Variants in FAF1 observed in about 807,000 individuals in gnomAD.
FAF1 encodes the protein FAS-associated factor 1.
FAF1 carries 25 observed loss-of-function variants against 92.5 expected under a neutral mutation model. That is an observed-to-expected ratio of 0.27 (90% CI 0.20 to 0.38). The LOEUF (loss-of-function observed/expected upper bound fraction) is 0.38. FAF1 is among the 10% of genes least tolerant of loss of function. The pLI, the probability that FAF1 is intolerant of heterozygous loss-of-function variation, is 1.00. For synonymous variants in FAF1, 234 were observed against 273.2 expected (o/e 0.86, Z 1.42); for missense variants, 636 against 793.3 (o/e 0.80, Z 2.38).
intron 1 of FAF1, among the ~76,000 whole-genome samples, chr1:50,885,391 A>G (rs1644652719): frequency 6.6e-6 from 1 of 151,702 alleles, no homozygotes; most frequent in Non-Finnish European, 1.5e-5. Flanking sequence ...ATGCATATAT[A>G]TTCACAATTG....
In FAF1 at chr1:50,823,666, T is replaced by TA. The variant is rs879801268; in HGVS notation, c.115-21990dup. On this transcript the variant is annotated intron_variant, in intron 2 of 18. Coordinates refer to ENST00000396153, the MANE Select transcript of FAF1 (RefSeq NM_007051.3). ...CTACTTACTTTATTTTTGAAAACAA[T>TA]AAAAAAAAAAACTGGAAAAGACATA... Among the ~76,000 whole-genome samples the TA allele has an allele frequency of 4.5e-3, 615 of 137,370 alleles. 2 individuals are homozygous for TA. The highest frequency in any genetic ancestry group is 5.3e-3 in the Non-Finnish European group (330 of 62,364). The allele number at this position is 137,370 out of a possible 152,430, so 90.1% of individuals were successfully genotyped here.
At chr1:50,907,494 T>C (rs1570125732) in intron 1 of FAF1, among the ~76,000 whole-genome samples, 3 of 152,334 alleles carry the variant, frequency 2.0e-5, no homozygotes, top group Middle Eastern at 3.4e-3. Flanking sequence ...AATTCGGTTG[T>C]GAATCCATCT....
At chr1:50,832,516 C>A (rs1377909117) in intron 2 of FAF1, among the ~76,000 whole-genome samples, 2 of 152,182 alleles carry the variant, frequency 1.3e-5, no homozygotes, top group Non-Finnish European at 2.9e-5. Flanking sequence ...CCCTGTTTAA[C>A]ATATATGAGA....
chr1:50,774,872 A>G (rs1660899648), intron 4 of FAF1, among the ~76,000 whole-genome samples: 1 of 152,114 alleles, frequency 6.6e-6, no homozygotes, highest in Non-Finnish European at 1.5e-5. Context: ...CAAGATAAGA[A>G]AACAGAATTC....
intron 8 of FAF1, among the ~76,000 whole-genome samples, chr1:50,640,441 C>T (rs1016649896): frequency 6.6e-6 from 1 of 151,890 alleles, no homozygotes; most frequent in African/African-American, 2.4e-5. Context: ...TACAGGCGCC[C>T]ACCACCATAC....
chr1:50,649,865 T>C (rs1391964926), intron 8 of FAF1, among the ~76,000 whole-genome samples: 2 of 151,082 alleles, frequency 1.3e-5, no homozygotes, highest in Non-Finnish European at 2.9e-5. Context: ...CTCGGGAGGC[T>C]GAGGAGGGAC....
At chr1:50,494,863 C>T (rs1646880573) in intron 15 of FAF1, among the ~76,000 whole-genome samples, 1 of 152,096 alleles carries the variant, frequency 6.6e-6, no homozygotes, top group African/African-American at 2.4e-5. Flanking sequence ...AATTCAGAAG[C>T]CTCTAAGTAT....
At chr1:50,529,592 A>T (rs950014678) in intron 15 of FAF1, among the ~76,000 whole-genome samples, 3 of 152,190 alleles carry the variant, frequency 2.0e-5, no homozygotes, top group Admixed American at 1.3e-4. Context: ...ACTGAGAAAC[A>T]TTGCCCCAGA....
At chr1:50,731,510 C>T (rs1557498585) in intron 6 of FAF1, among the ~76,000 whole-genome samples, 1 of 152,086 alleles carries the variant, frequency 6.6e-6, no homozygotes, top group Non-Finnish European at 1.5e-5. Flanking sequence ...GCTGGGACTA[C>T]AGGCACCTGC....
intron 15 of FAF1, among the ~76,000 whole-genome samples, chr1:50,509,737 C>A (rs1485760651): frequency 6.6e-6 from 1 of 151,940 alleles, no homozygotes; most frequent in Admixed American, 6.6e-5. Context: ...TCTTGGTGGC[C>A]GAACAGTACA....
intron 1 of FAF1, among the ~76,000 whole-genome samples, chr1:50,930,172 T>C (rs905181446): frequency 1.3e-5 from 2 of 152,182 alleles, no homozygotes; most frequent in African/African-American, 4.8e-5. Context: ...AAAATCATAA[T>C]GCCAAAGTGG....
chr1:50,613,389 C>T (rs551073728), intron 8 of FAF1, among the ~76,000 whole-genome samples: 215 of 152,206 alleles, frequency 1.4e-3, no homozygotes, highest in African/African-American at 4.8e-3. Flanking sequence ...TTTGAACTTA[C>T]GCATCTTCAT....
At chr1:50,645,162 G>C (rs909149963) in intron 8 of FAF1, among the ~76,000 whole-genome samples, 3 of 152,186 alleles carry the variant, frequency 2.0e-5, no homozygotes, top group Non-Finnish European at 4.4e-5. Flanking sequence ...ACCATCAGAA[G>C]CAACATTATC....
At chr1:50,778,346 G>C (rs1050987961) in intron 4 of FAF1, among the ~76,000 whole-genome samples, 7 of 152,006 alleles carry the variant, frequency 4.6e-5, no homozygotes, top group Non-Finnish European at 8.8e-5. Context: ...TGGTTCCAAG[G>C]GTATAAATTT....
intron 4 of FAF1, among the ~76,000 whole-genome samples, chr1:50,761,120 C>T (rs557721241): frequency 0.011 from 1,689 of 152,264 alleles, 36 homozygotes; most frequent in African/African-American, 0.039. Context: ...CACATACACC[C>T]TCCCAAGACT....
chr1:50,638,699 T>C (rs1289763901), intron 8 of FAF1, among the ~76,000 whole-genome samples: 2 of 152,034 alleles, frequency 1.3e-5, no homozygotes, highest in Non-Finnish European at 2.9e-5. Flanking sequence ...CCGCCTTGGC[T>C]TCCCAAAGTG....
At chr1:50,448,687 G>T (rs1190685655) in intron 18 of FAF1, among the ~76,000 whole-genome samples, 2 of 152,218 alleles carry the variant, frequency 1.3e-5, no homozygotes, top group African/African-American at 4.8e-5. Flanking sequence ...GAATACATCA[G>T]CAAGCCCCTT....
chr1:50,889,110 G>C (rs1644696565), intron 1 of FAF1, among the ~76,000 whole-genome samples: 1 of 152,256 alleles, frequency 6.6e-6, no homozygotes, highest in Admixed American at 6.5e-5. Context: ...TATGTATCGA[G>C]GAATTTAACC....
intron 8 of FAF1, among the ~76,000 whole-genome samples, chr1:50,649,880 G>A (rs535135098): frequency 1.2e-4 from 18 of 151,882 alleles, no homozygotes; most frequent in Non-Finnish European, 2.5e-4. Flanking sequence ...AGGGACAATT[G>A]CTTGAACCTG....
Sources: allele counts gnomAD v4.1 joint callset (sites outside exome capture counted in the v4.1 genomes callset), GRCh38; gene constraint gnomAD v4.1.1; transcripts MANE v1.5; gene names NCBI Gene and HGNC (gene_info 2026-07-23, HGNC 2026-07-21).